Variants in CPNE8 observed in about 807,000 individuals in gnomAD.
CPNE8 encodes the protein copine-8.
A neutral mutation model predicts 81.5 loss-of-function variants in CPNE8; 45 were observed. That is an observed-to-expected ratio of 0.55 (90% CI 0.44 to 0.71). CPNE8 has a LOEUF of 0.71. Ranked by LOEUF, CPNE8 falls within the 30% of genes least tolerant of loss-of-function variation. The pLI is 0.00. For synonymous variants in CPNE8, 252 were observed against 226.3 expected (o/e 1.11, Z -1.02); for missense variants, 594 against 672.1 (o/e 0.88, Z 1.28).
At chr12:38,740,392 T>C (rs1941068455) in intron 10 of CPNE8, among the ~76,000 whole-genome samples, 2 of 152,326 alleles carry the variant, frequency 1.3e-5, no homozygotes, top group African/African-American at 2.4e-5. Context: ...TGTTTCTTTC[T>C]CCTGCCTGAT....
At chr12:38,792,669 C>T (rs1226209916) in intron 6 of CPNE8, among the ~76,000 whole-genome samples, 1 of 151,728 alleles carries the variant, frequency 6.6e-6, no homozygotes, top group Non-Finnish European at 1.5e-5. Flanking sequence ...AGAATTAGCA[C>T]CAGTCTTCCT....
intron 10 of CPNE8, among the ~76,000 whole-genome samples, chr12:38,747,034 C>A (rs1183176370): frequency 1.3e-5 from 2 of 152,190 alleles, no homozygotes; most frequent in Non-Finnish European, 2.9e-5. Flanking sequence ...CTCCAAGCCT[C>A]TATTATTGCC....
chr12:38,658,165 G>A (rs888759363), intron 19 of CPNE8, among the ~76,000 whole-genome samples: 1 of 152,090 alleles, frequency 6.6e-6, no homozygotes, highest in Non-Finnish European at 1.5e-5. Flanking sequence ...AAGGTTAGAC[G>A]AATGACTAAC....
chr12:38,780,614 G>T (rs763250561), intron 6 of CPNE8, among the ~76,000 whole-genome samples: 23 of 151,982 alleles, frequency 1.5e-4, no homozygotes, highest in Non-Finnish European at 2.4e-4. Context: ...AAAGACAGAT[G>T]ATCGACAAAG....
At chr12:38,812,889 CTG>C (rs1486546456) in intron 6 of CPNE8, among the ~76,000 whole-genome samples, 2 of 152,260 alleles carry the variant, frequency 1.3e-5, no homozygotes, top group African/African-American at 4.8e-5. Context: ...GCCTCCAAAA[CTG>C]TGAAAGATTA....
intron 13 of CPNE8, among the ~76,000 whole-genome samples, chr12:38,711,236 A>G (rs956839185): frequency 4.6e-5 from 7 of 152,182 alleles, no homozygotes; most frequent in African/African-American, 1.7e-4. Context: ...GTGTGTGGCT[A>G]AAAGTGCACA....
intron 15 of CPNE8, among the ~76,000 whole-genome samples, chr12:38,686,029 T>C (rs1047932304): frequency 8.5e-5 from 13 of 152,200 alleles, no homozygotes; most frequent in African/African-American, 3.1e-4. Flanking sequence ...GTTAGATAAC[T>C]GATAACTTTA....
At chr12:38,843,149 C>T (rs1943500652) in intron 4 of CPNE8, among the ~76,000 whole-genome samples, 1 of 152,206 alleles carries the variant, frequency 6.6e-6, no homozygotes, top group Non-Finnish European at 1.5e-5. Context: ...ACAACTTCAT[C>T]CTGCCATTGA....
chr12:38,857,674 A>C lies in CPNE8; in HGVS notation c.187-9012T>G, dbSNP rs184422102. 1.2e-4 allele frequency among the ~76,000 whole-genome samples: 19 copies of C among 152,302 alleles called. No homozygotes were observed. In the East Asian group the frequency reaches 3.7e-3, roughly 29 times the overall value. The stretch of plus-strand genomic sequence containing the variant: ...ACGCCTGTAATCCCAGCACTTTAAG[A>C]GGCCAGGGTGGGTGGATCACGAGGT... On this transcript the variant is annotated intron_variant, in intron 3 of 19. Transcript: ENST00000331366.
chr12:38,702,353 C>T (rs1939968346), intron 14 of CPNE8, among the ~76,000 whole-genome samples: 1 of 151,864 alleles, frequency 6.6e-6, no homozygotes, highest in African/African-American at 2.4e-5. Flanking sequence ...TATATCCGTC[C>T]CTCTGAGTGA....
chr12:38,750,597 C>A (rs1367592184), intron 10 of CPNE8, among the ~76,000 whole-genome samples: 1 of 152,204 alleles, frequency 6.6e-6, no homozygotes, highest in African/African-American at 2.4e-5. Flanking sequence ...GACTGTCCTG[C>A]TGGATTTTGG....
At chr12:38,654,327 C>A (rs183820602) in intron 19 of CPNE8, among the ~76,000 whole-genome samples, 1 of 151,898 alleles carries the variant, frequency 6.6e-6, no homozygotes, top group East Asian at 2.0e-4. Context: ...ACCAGCCTGA[C>A]CAACATGGTG....
At chr12:38,795,876 G>GATAGATAGATAGATAT (rs1233011984) in intron 6 of CPNE8, among the ~76,000 whole-genome samples, 2 of 151,884 alleles carry the variant, frequency 1.3e-5, no homozygotes, top group Non-Finnish European at 2.9e-5. Flanking sequence ...TGGATAGATA[G>GATAGATAGATAGATAT]ATAGATAGAT....
chr12:38,742,642 A>T lies in CPNE8; in HGVS notation c.723-12284T>A, dbSNP rs187260030. On this transcript the variant is annotated intron_variant, in intron 10 of 19. Transcript: ENST00000331366. ...ATGTATAAATATATAACAAACCTGC[A>T]CATTGTGCACATGTACCCTAGAACT... 5.3e-5 allele frequency among the ~76,000 whole-genome samples: 8 copies of T among 151,502 alleles called. No homozygotes were observed. In the East Asian group the frequency reaches 1.4e-3, roughly 26 times the overall value.
At chr12:38,709,350 C>A (rs1003005510) in intron 13 of CPNE8, among the ~76,000 whole-genome samples, 5 of 152,202 alleles carry the variant, frequency 3.3e-5, no homozygotes, top group African/African-American at 1.2e-4. Flanking sequence ...AACTTTATTG[C>A]ATCTTCAAAA....
intron 6 of CPNE8, among the ~76,000 whole-genome samples, chr12:38,827,456 C>A (rs957428792): frequency 6.6e-6 from 1 of 152,170 alleles, no homozygotes; most frequent in Admixed American, 6.5e-5. Context: ...TTTGACCCAG[C>A]AATCCCATTA....
chr12:38,874,533 G>A (rs1373185894), intron 1 of CPNE8, 22 bp from the exon 2 acceptor site: 1 of 1,580,122 alleles, frequency 6.3e-7, no homozygotes, highest in Non-Finnish European at 8.7e-7. Context: ...AACAGAAAAT[G>A]TTAGCTGGAT....
chr12:38,902,358 A>AAGAAAGAAAAGAAAGAAAG (rs1944488128), intron 1 of CPNE8, among the ~76,000 whole-genome samples: 4 of 96,386 alleles, frequency 4.1e-5, no homozygotes, highest in African/African-American at 2.5e-4. Context: ...GAAAGAAAGA[A>AAGAAAGAAAAGAAAGAAAG]AGAAAGAAAG....
At chr12:38,661,840 G>A (rs1225007554) in intron 19 of CPNE8, among the ~76,000 whole-genome samples, 1 of 150,822 alleles carries the variant, frequency 6.6e-6, no homozygotes, top group African/African-American at 2.4e-5. Flanking sequence ...GGAATGCAAG[G>A]ATGGTTCAAT....
Sources: gnomAD v4.1 joint callset for allele counts (sites outside exome capture counted in the v4.1 genomes callset) on GRCh38, gnomAD v4.1.1 for gene constraint, MANE v1.5 for transcripts, NCBI Gene and HGNC (gene_info 2026-07-23, HGNC 2026-07-21) for gene names.